Variants in ACTR3C observed in about 807,000 individuals in gnomAD.
ACTR3C encodes the protein actin related protein 3C, also known as actin-related protein 3C.
ACTR3C carries 18 observed loss-of-function variants against 26.3 expected under a neutral mutation model. The ratio of observed to expected loss-of-function variants is 0.68; its 90% CI spans 0.47 to 1.01. ACTR3C has a LOEUF of 1.01. Among genes scored for constraint, ACTR3C ranks in the 50% least tolerant of loss-of-function variants. The probability of loss-of-function intolerance (pLI) is 0.00; values close to 1 mark genes in which losing one functional copy is unlikely to be tolerated. For synonymous variants in ACTR3C, 55 were observed against 94.5 expected, an observed-to-expected ratio of 0.58 and a Z score of 2.42; for missense variants, 184 against 250.7, an observed-to-expected ratio of 0.73 and a Z score of 1.80.
the ACTR3C span, chr7:149,891,292 G>A: frequency 1.3e-4 from 149 of 1,155,514 alleles, no homozygotes; most frequent in Non-Finnish European, 1.6e-4. Context: ...ATTCCATGTC[G>A]TATCGGCCAC....
the ACTR3C span, among the ~76,000 whole-genome samples, chr7:149,926,062 C>CA: frequency 8.0e-5 from 12 of 150,750 alleles, no homozygotes; most frequent in African/African-American, 2.4e-4. Context: ...GACTCTGTCT[C>CA]AAAAAAACAG....
At chr7:150,025,929 G>A in the ACTR3C span, among the ~76,000 whole-genome samples, 1 of 151,882 alleles carries the variant, frequency 6.6e-6, no homozygotes, top group Admixed American at 6.6e-5. Flanking sequence ...TCAGAAACAC[G>A]TAAATTCTCA....
chr7:150,179,766 C>T, the ACTR3C span, among the ~76,000 whole-genome samples: 13 of 151,808 alleles, frequency 8.6e-5, no homozygotes, highest in Non-Finnish European at 1.5e-4. Context: ...GCTGGGATTA[C>T]AGCTAGGCAT....
chr7:149,961,047 AGT>A, the ACTR3C span, among the ~76,000 whole-genome samples: 1 of 152,052 alleles, frequency 6.6e-6, no homozygotes, highest in Admixed American at 6.6e-5. Context: ...ACTCACAGGA[AGT>A]GCACTGAGAG....
chr7:150,231,673 G>A, the ACTR3C span, among the ~76,000 whole-genome samples: 1 of 151,650 alleles, frequency 6.6e-6, no homozygotes, highest in Non-Finnish European at 1.5e-5. Flanking sequence ...ATTTGGGATT[G>A]TCTAGCTACT....
chr7:150,303,023 A>C (rs1182445218), intron 1 of ACTR3C: 2 of 152,386 alleles, frequency 1.3e-5, no homozygotes, highest in South Asian at 2.1e-4. Flanking sequence ...CCACTATGAC[A>C]GGCATTGAGT....
chr7:149,959,226 CCCA>C, the ACTR3C span, among the ~76,000 whole-genome samples: 4,796 of 25,676 alleles, frequency 0.19, 242 homozygotes, highest in African/African-American at 0.28. Flanking sequence ...TAGCTCGCCC[CCCA>C]CCCCCACAAT....
At chr7:149,984,489 C>T in the ACTR3C span, among the ~76,000 whole-genome samples, 2 of 151,418 alleles carry the variant, frequency 1.3e-5, no homozygotes, top group Admixed American at 6.6e-5. Context: ...AAGGTGTGAG[C>T]CACCATGCCT....
chr7:150,033,357 G>C, the ACTR3C span, among the ~76,000 whole-genome samples: 1 of 152,180 alleles, frequency 6.6e-6, no homozygotes, highest in Admixed American at 6.5e-5. Flanking sequence ...GCTGTGCTCT[G>C]TCCCTGGAGG....
the ACTR3C span, among the ~76,000 whole-genome samples, chr7:150,039,330 G>T: frequency 2.7e-5 from 4 of 146,036 alleles, no homozygotes; most frequent in Non-Finnish European, 6.0e-5. Flanking sequence ...AGAGGGGATA[G>T]CTCTCAGTCC....
the ACTR3C span, among the ~76,000 whole-genome samples, chr7:150,039,734 G>GT: frequency 7.1e-3 from 957 of 134,994 alleles, 6 homozygotes; most frequent in African/African-American, 0.024. Context: ...CCCCACCCTC[G>GT]CGGGGGGTGC....
At chr7:150,067,667 C>A in the ACTR3C span, among the ~76,000 whole-genome samples, 1 of 151,378 alleles carries the variant, frequency 6.6e-6, no homozygotes, top group Non-Finnish European at 1.5e-5. Context: ...CTTGGAAGGC[C>A]CCAGAGCTAC....
chr7:149,940,711 C>T, the ACTR3C span, among the ~76,000 whole-genome samples: 1 of 139,074 alleles, frequency 7.2e-6, no homozygotes, highest in Non-Finnish European at 1.6e-5. Flanking sequence ...GCTCACCTCC[C>T]CACTCTCCTA....
chr7:150,193,240 T>TTA, the ACTR3C span, among the ~76,000 whole-genome samples: 1 of 152,148 alleles, frequency 6.6e-6, no homozygotes, highest in Non-Finnish European at 1.5e-5. Flanking sequence ...GTTATGGCTT[T>TTA]TATAAGCTTA....
intron 1 of ACTR3C, among the ~76,000 whole-genome samples, chr7:150,320,533 T>C (rs1388158277): frequency 1.3e-5 from 2 of 152,094 alleles, no homozygotes; most frequent in Non-Finnish European, 1.5e-5. Context: ...GAGGCTGAGG[T>C]GGGTGGATCA....
chr7:149,946,617 G>T, the ACTR3C span, among the ~76,000 whole-genome samples: 3 of 152,130 alleles, frequency 2.0e-5, no homozygotes, highest in South Asian at 6.2e-4. Context: ...GAGGGCAAGT[G>T]GGGGGCCTTG....
At chr7:150,308,008 C>T (rs1795943287) in intron 1 of ACTR3C, among the ~76,000 whole-genome samples, 1 of 152,226 alleles carries the variant, frequency 6.6e-6, no homozygotes, top group Non-Finnish European at 1.5e-5. Context: ...GGACTCCAAA[C>T]TCTGGAGCTG....
chr7:150,242,050 T>C (rs549942658), downstream of ACTR3C, among the ~76,000 whole-genome samples: 1 of 152,210 alleles, frequency 6.6e-6, no homozygotes, highest in East Asian at 1.9e-4. Context: ...ACCCAGTCTC[T>C]ATTAAAAATA....
the ACTR3C span, among the ~76,000 whole-genome samples, chr7:149,973,522 G>A: frequency 1.3e-5 from 2 of 152,136 alleles, no homozygotes; most frequent in South Asian, 4.1e-4. Context: ...TTACAAGACT[G>A]CTTCAAAGAA....
Sources: allele counts gnomAD v4.1 joint callset (sites outside exome capture counted in the v4.1 genomes callset), GRCh38; gene constraint gnomAD v4.1.1; transcripts MANE v1.5; gene names NCBI Gene and HGNC (gene_info 2026-07-23, HGNC 2026-07-21).